SYT14: variants seen among roughly 807,000 people sequenced by gnomAD.
SYT14 encodes synaptotagmin-14.
SYT14 carries 32 observed loss-of-function variants against 74.2 expected under a neutral mutation model. That is an observed-to-expected ratio of 0.43 (90% CI 0.33 to 0.58). The LOEUF (loss-of-function observed/expected upper bound fraction) is 0.58, where lower values mean the gene tolerates loss of function less well. Among genes scored for constraint, SYT14 ranks in the 20% least tolerant of loss-of-function variants. The probability of loss-of-function intolerance (pLI) is 0.05; values close to 1 mark genes in which losing one functional copy is unlikely to be tolerated. For missense variants in SYT14, 791 were observed against 981.8 expected (o/e 0.81, Z 2.60); for synonymous variants, 298 against 337.7 (o/e 0.88, Z 1.29).
chr1:210,061,242 C>G (rs1008354622), intron 5 of SYT14, among the ~76,000 whole-genome samples: 1 of 151,902 alleles, frequency 6.6e-6, no homozygotes, highest in African/African-American at 2.4e-5. Flanking sequence ...AGGACTAATA[C>G]GAAATTTTCA....
At chr1:210,057,787 A>G (rs527984335) in intron 5 of SYT14, among the ~76,000 whole-genome samples, 1 of 152,278 alleles carries the variant, frequency 6.6e-6, no homozygotes, top group South Asian at 2.1e-4. Flanking sequence ...AAATGGAGTA[A>G]TAAATCATTC....
intron 8 of SYT14, among the ~76,000 whole-genome samples, chr1:210,157,694 A>G (rs1159441893): frequency 6.6e-6 from 1 of 152,102 alleles, no homozygotes; most frequent in Non-Finnish European, 1.5e-5. Context: ...GTGAGCTGAG[A>G]TTGCGCCACT....
intron 8 of SYT14, among the ~76,000 whole-genome samples, chr1:210,158,971 T>A (rs1282792809): frequency 1.3e-5 from 2 of 152,110 alleles, no homozygotes; most frequent in African/African-American, 4.8e-5. Context: ...ATAGTCCTAT[T>A]TTGTTTTGCA....
intron 2 of SYT14, among the ~76,000 whole-genome samples, chr1:209,992,536 G>A (rs1410257611): frequency 1.3e-5 from 2 of 152,180 alleles, no homozygotes; most frequent in East Asian, 3.9e-4. Flanking sequence ...CAGTAGGATG[G>A]AAGTGTGAGA....
chr1:210,092,464 A>C (rs1001752848), intron 5 of SYT14, among the ~76,000 whole-genome samples: 1 of 152,218 alleles, frequency 6.6e-6, no homozygotes, highest in Non-Finnish European at 1.5e-5. Flanking sequence ...GGCCACTCCT[A>C]ATCAGAATGC....
At chr1:210,016,195 A>G in exon 4 of SYT14, 1 of 1,232,154 alleles carries the variant, frequency 8.1e-7, no homozygotes, top group Non-Finnish European at 1.0e-6. Context: ...CTGTAGCAGA[A>G]GAAGCTGTAG....
intron 2 of SYT14, among the ~76,000 whole-genome samples, chr1:209,992,774 A>C (rs767067617): frequency 4.6e-5 from 7 of 152,218 alleles, no homozygotes; most frequent in Non-Finnish European, 8.8e-5. Context: ...AGTACCATTC[A>C]CACTGAGAGA....
chr1:210,100,298 A>C (rs1224792904), exon 7 of SYT14: 1 of 1,614,172 alleles, frequency 6.2e-7, no homozygotes, highest in Non-Finnish European at 8.5e-7. Flanking sequence ...AATCATGTTG[A>C]ATCTGAGATG....
At chr1:210,057,230 G>A (rs1287057636) in intron 5 of SYT14, among the ~76,000 whole-genome samples, 1 of 152,090 alleles carries the variant, frequency 6.6e-6, no homozygotes, top group African/African-American at 2.4e-5. Flanking sequence ...ACCTTTCCTT[G>A]TTCTCCCATT....
At chr1:210,113,122 C>T (rs984683133) in intron 7 of SYT14, among the ~76,000 whole-genome samples, 1 of 151,284 alleles carries the variant, frequency 6.6e-6, no homozygotes. Flanking sequence ...GGCTACAGGG[C>T]GTGGTCCCGG....
intron 1 of SYT14, among the ~76,000 whole-genome samples, chr1:209,939,382 G>A (rs2078692167): frequency 6.6e-6 from 1 of 152,206 alleles, no homozygotes; most frequent in South Asian, 2.1e-4. Flanking sequence ...TCAATCACTG[G>A]TAGTATGCAT....
At chr1:210,095,502 CT>C (rs1191997210) in intron 6 of SYT14, among the ~76,000 whole-genome samples, 1 of 152,188 alleles carries the variant, frequency 6.6e-6, no homozygotes, top group Non-Finnish European at 1.5e-5. Flanking sequence ...AATCTTCCTG[CT>C]TCAGCCTCCC....
At chr1:210,121,253 A>G (rs1048372692) in intron 7 of SYT14, among the ~76,000 whole-genome samples, 4 of 152,184 alleles carry the variant, frequency 2.6e-5, no homozygotes, top group African/African-American at 9.6e-5. Flanking sequence ...TTTTTATTTG[A>G]TCTTATCCAT....
At chr1:209,997,085 T>G (rs897964662) in intron 2 of SYT14, among the ~76,000 whole-genome samples, 1 of 152,040 alleles carries the variant, frequency 6.6e-6, no homozygotes, top group African/African-American at 2.4e-5. Flanking sequence ...AACACTCTTC[T>G]TCAACACAGA....
intron 2 of SYT14, among the ~76,000 whole-genome samples, chr1:209,963,851 T>A (rs1264595496): frequency 6.6e-6 from 1 of 152,230 alleles, no homozygotes; most frequent in Non-Finnish European, 1.5e-5. Context: ...TGTAAGTGTT[T>A]ACATCCACTT....
At chr1:210,125,274 T>C (rs1026464113) in intron 7 of SYT14, among the ~76,000 whole-genome samples, 1 of 143,806 alleles carries the variant, frequency 7.0e-6, no homozygotes, top group Non-Finnish European at 1.5e-5. Flanking sequence ...TGTGTACCCA[T>C]TATTTAGTTC....
chr1:210,151,966 A>T (rs2083173410), intron 7 of SYT14, among the ~76,000 whole-genome samples: 1 of 152,200 alleles, frequency 6.6e-6, no homozygotes. Flanking sequence ...ATCTGACAGT[A>T]GGTTAATGTG....
chr1:209,957,619 G>C (rs1033599367), intron 2 of SYT14, among the ~76,000 whole-genome samples: 2 of 151,900 alleles, frequency 1.3e-5, no homozygotes, highest in African/African-American at 4.8e-5. Flanking sequence ...TAGAGACTGG[G>C]TTTCACCATG....
chr1:210,034,880 GA>G (rs547148985), intron 5 of SYT14, among the ~76,000 whole-genome samples: 172 of 151,918 alleles, frequency 1.1e-3, no homozygotes, highest in African/African-American at 4.0e-3. Context: ...CTCTGTTGAT[GA>G]ACACTTAGGT....
Sources: allele counts gnomAD v4.1 joint callset (sites outside exome capture counted in the v4.1 genomes callset), GRCh38; gene constraint gnomAD v4.1.1; transcripts MANE v1.5; gene names NCBI Gene and HGNC (gene_info 2026-07-23, HGNC 2026-07-21).